The following SGCD variants were observed in gnomAD, a reference collection of about 807,000 sequenced individuals.
SGCD encodes delta-sarcoglycan.
Under a neutral mutation model 36.6 loss-of-function variants are expected in SGCD, and 18 were observed. The observed-to-expected ratio is 0.49, with a 90% CI of 0.34 to 0.73. The LOEUF is 0.73. Ranked by LOEUF, SGCD falls within the 30% of genes least tolerant of loss-of-function variation. SGCD has a pLI of 0.01. For synonymous variants in SGCD, 133 were observed against 130.6 expected (o/e 1.02, Z -0.12); for missense variants, 387 against 346.7 (o/e 1.12, Z -0.92).
the SGCD span, among the ~76,000 whole-genome samples, chr5:155,829,184 C>G: frequency 6.6e-6 from 1 of 151,946 alleles, no homozygotes; most frequent in Non-Finnish European, 1.5e-5. Flanking sequence ...TTTCCTAGTC[C>G]TGGGGGCAGG....
chr5:155,992,418 T>C (rs1230543310), intron 1 of SGCD, among the ~76,000 whole-genome samples: 6 of 152,134 alleles, frequency 3.9e-5, no homozygotes, highest in Admixed American at 2.0e-4. Flanking sequence ...AAAAATTTCA[T>C]GAGAACATTG....
At chr5:156,158,930 A>G (rs1042795467) in intron 3 of SGCD, among the ~76,000 whole-genome samples, 5 of 151,616 alleles carry the variant, frequency 3.3e-5, no homozygotes, top group Non-Finnish European at 7.3e-5. Context: ...TCATTAAAAA[A>G]AAAATACTTA....
At chr5:156,466,873 T>A (rs185015979) in intron 3 of SGCD, among the ~76,000 whole-genome samples, 6 of 152,304 alleles carry the variant, frequency 3.9e-5, no homozygotes, top group Non-Finnish European at 7.4e-5. Flanking sequence ...TGCAATTTTT[T>A]ATTTTTTTTA....
At chr5:156,743,910 T>G (rs1260882311) in intron 7 of SGCD, among the ~76,000 whole-genome samples, 1 of 150,196 alleles carries the variant, frequency 6.7e-6, no homozygotes, top group Admixed American at 6.6e-5. Context: ...AAGATTATGT[T>G]CCTTCTTCCT....
chr5:156,017,760 T>G (rs1759015919), intron 1 of SGCD, among the ~76,000 whole-genome samples: 1 of 152,194 alleles, frequency 6.6e-6, no homozygotes, highest in African/African-American at 2.4e-5. Flanking sequence ...TTTTTATATA[T>G]TTTCTTCACT....
chr5:156,372,965 G>A (rs1197605603), intron 3 of SGCD, among the ~76,000 whole-genome samples: 2 of 152,132 alleles, frequency 1.3e-5, no homozygotes, highest in Admixed American at 1.3e-4. Flanking sequence ...ATGCCATAAT[G>A]AAGATGGCAT....
At chr5:155,844,014 A>G in the SGCD span, among the ~76,000 whole-genome samples, 3 of 152,166 alleles carry the variant, frequency 2.0e-5, no homozygotes, top group African/African-American at 7.2e-5. Flanking sequence ...AACAAACTCT[A>G]CCAGTTACTC....
Position 156,307,552 on chromosome 5 carries a change from G to GTTTTTTT in SGCD, c.-43-21980_-43-21979insTTTTTTT. Among the ~76,000 whole-genome samples the GTTTTTTT allele has an allele frequency of 1.9e-4, 9 of 48,438 alleles. 1 individual carries two copies. The highest frequency in any genetic ancestry group is 2.4e-4 in the Admixed American group (1 of 4,226). 31.8% of individuals were successfully genotyped at this position (48,438 alleles called of 152,430 possible). ...CTTCTTGTCTGTATACATTTTAACT[G>GTTTTTTT]TTGTTTTTTTTTTTTTTTTTTTTTT... On this transcript the variant is annotated intron_variant, in intron 3 of 9. Coordinates refer to the SGCD transcript ENST00000517913.
intron 1 of SGCD, among the ~76,000 whole-genome samples, chr5:156,025,422 A>G (rs986905249): frequency 3.3e-5 from 5 of 152,158 alleles, no homozygotes; most frequent in Admixed American, 3.3e-4. Context: ...AAAAATCCTT[A>G]CCACTCTCAG....
intron 1 of SGCD, among the ~76,000 whole-genome samples, chr5:156,083,512 C>T (rs1288045708): frequency 2.0e-5 from 3 of 150,988 alleles, no homozygotes; most frequent in African/African-American, 7.3e-5. Context: ...TCAGGTTGGT[C>T]TCGAACTCCT....
chr5:156,687,284 G>T (rs927013964), intron 7 of SGCD, among the ~76,000 whole-genome samples: 2 of 152,172 alleles, frequency 1.3e-5, no homozygotes, highest in Non-Finnish European at 2.9e-5. Context: ...GCACAAATGT[G>T]GGGGGCTCAG....
intron 1 of SGCD, among the ~76,000 whole-genome samples, chr5:155,997,960 T>G (rs1758587829): frequency 6.6e-6 from 1 of 152,218 alleles, no homozygotes; most frequent in Non-Finnish European, 1.5e-5. Context: ...CATTGCTTAT[T>G]CATAGCGTAG....
chr5:156,532,003 G>A (rs973834913), intron 4 of SGCD, among the ~76,000 whole-genome samples: 4 of 151,806 alleles, frequency 2.6e-5, no homozygotes, highest in Admixed American at 1.3e-4. Context: ...CCAGCTACTC[G>A]GGAGGCTGAG....
At chr5:156,403,321 C>T (rs1262428139) in intron 3 of SGCD, among the ~76,000 whole-genome samples, 3 of 152,176 alleles carry the variant, frequency 2.0e-5, no homozygotes, top group Non-Finnish European at 4.4e-5. Context: ...TGTTGCCATA[C>T]CCCAAAGGAA....
intron 4 of SGCD, among the ~76,000 whole-genome samples, chr5:156,521,945 C>T (rs941513202): frequency 1.3e-5 from 2 of 152,104 alleles, no homozygotes; most frequent in African/African-American, 4.8e-5. Context: ...GGAATCAACC[C>T]AAATGCCCAT....
chr5:156,324,276 T>A (rs934252776), upstream of SGCD, among the ~76,000 whole-genome samples: 4 of 152,190 alleles, frequency 2.6e-5, no homozygotes, highest in African/African-American at 9.6e-5. Context: ...TTATTTTCTC[T>A]ACTGGAAAGA....
chr5:156,667,280 G>A (rs942614921), intron 7 of SGCD, among the ~76,000 whole-genome samples: 2 of 152,174 alleles, frequency 1.3e-5, no homozygotes, highest in African/African-American at 4.8e-5. Context: ...CAGACACAAG[G>A]AGGAGTGTAT....
chr5:155,817,260 A>G, the SGCD span, among the ~76,000 whole-genome samples: 1 of 152,050 alleles, frequency 6.6e-6, no homozygotes, highest in Non-Finnish European at 1.5e-5. Context: ...CTTCTGTCCA[A>G]TTATGTTAGA....
intron 5 of SGCD, among the ~76,000 whole-genome samples, chr5:156,593,204 T>C (rs1760792150): frequency 6.6e-6 from 1 of 152,160 alleles, no homozygotes; most frequent in Admixed American, 6.6e-5. Flanking sequence ...AAGAATGAGT[T>C]GGGAAATAAT....
Sources: gnomAD v4.1 joint callset for allele counts (sites outside exome capture counted in the v4.1 genomes callset) on GRCh38, gnomAD v4.1.1 for gene constraint, MANE v1.5 for transcripts, NCBI Gene and HGNC (gene_info 2026-07-23, HGNC 2026-07-21) for gene names.